Variants in GALNT7 observed in about 807,000 individuals in gnomAD.
GALNT7 encodes polypeptide N-acetylgalactosaminyltransferase 7, also known as N-acetylgalactosaminyltransferase 7.
In GALNT7, 60 loss-of-function variants were observed where a neutral mutation model predicts 82.1. The observed-to-expected ratio is 0.73, with a 90% CI of 0.59 to 0.91. The LOEUF (loss-of-function observed/expected upper bound fraction) is 0.91. Among genes scored for constraint, GALNT7 ranks in the 40% least tolerant of loss-of-function variants. The pLI, the probability that GALNT7 is intolerant of heterozygous loss-of-function variation, is 0.00. For synonymous variants in GALNT7, 243 were observed against 275.1 expected (o/e 0.88, Z 1.15); for missense variants, 660 against 804.2 (o/e 0.82, Z 2.17).
chr4:173,175,762 C>A (rs1442326436), intron 1 of GALNT7, among the ~76,000 whole-genome samples: 2 of 152,242 alleles, frequency 1.3e-5, no homozygotes, highest in East Asian at 3.9e-4. Flanking sequence ...CGAGGAACAT[C>A]TGTACATGGT....
chr4:173,264,483 C>G (rs1579968561), intron 2 of GALNT7, among the ~76,000 whole-genome samples: 1 of 152,282 alleles, frequency 6.6e-6, no homozygotes, highest in East Asian at 1.9e-4. Flanking sequence ...TATTGCTCTT[C>G]CGTATTATCC....
At chr4:173,224,779 G>A (rs4696052) in intron 1 of GALNT7, among the ~76,000 whole-genome samples, 144,107 of 151,598 alleles carry the variant, frequency 0.95, 68,751 homozygotes, top group Non-Finnish European at 1. Flanking sequence ...TTGGGAGGCC[G>A]AGGCGGGCGG....
Position 173,292,311 on chromosome 4 carries a change from A to G in GALNT7, c.754+37A>G. 1 of 1,320,978 alleles carries G rather than the reference A, an allele frequency of 7.6e-7. No individual in the cohort carries two copies. 81.8% of individuals were successfully genotyped at this position (1,320,978 alleles called of 1,614,324 possible). On this transcript the variant is annotated intron_variant, in intron 3 of 11. Coordinates refer to ENST00000265000, the MANE Select transcript of GALNT7 (RefSeq NM_017423.3). This position sits in a 1 kb window ranked among gnomAD's most constrained non-coding sequence, Gnocchi z 4.8. ...GAAACTCACATTTTGTCTATAAAAT[A>G]AGTTAAGCATGAATAATTGCAAAAA... is the stretch of plus-strand genomic sequence containing the variant.
chr4:173,208,875 G>A (rs1733185171), intron 1 of GALNT7, among the ~76,000 whole-genome samples: 1 of 152,074 alleles, frequency 6.6e-6, no homozygotes, highest in Non-Finnish European at 1.5e-5. Flanking sequence ...CACCTTTGCC[G>A]CCATGTTTAG....
intron 2 of GALNT7, among the ~76,000 whole-genome samples, chr4:173,255,105 C>T (rs769901557): frequency 3.9e-5 from 6 of 152,206 alleles, no homozygotes; most frequent in Non-Finnish European, 7.3e-5. Flanking sequence ...ATTTCTACAG[C>T]AGTTTAGGGA....
intron 2 of GALNT7, among the ~76,000 whole-genome samples, chr4:173,286,299 C>T (rs1229352957): frequency 1.3e-5 from 2 of 152,202 alleles, no homozygotes; most frequent in Admixed American, 1.3e-4. Flanking sequence ...GCAGGTTTTC[C>T]TCTGGACCAC....
In GALNT7 at chr4:173,302,215, G is replaced by C; in HGVS notation, c.1266+51G>C. 1.2e-6 allele frequency: 1 copy of C among 845,578 alleles called. No homozygotes were observed. The highest frequency in any genetic ancestry group is 1.4e-5 in the South Asian group (1 of 71,720). The allele number at this position is 845,578 out of a possible 1,614,324, so 52.4% of individuals were successfully genotyped here. On this transcript the variant is annotated intron_variant, in intron 7 of 11. Transcript: ENST00000265000. The surrounding 1 kb of genome is among the most constrained non-coding windows in gnomAD (Gnocchi z 4.2). ...ATTCTCCAAGTCGTTACTAACTTCT[G>C]TGGCTTTCAGATAAAGCTAGTTTTT...
rs1737872570 is a variant in GALNT7, at chr4:173,322,891, TAACA to T, written c.*1178_*1181del. On this transcript the variant is annotated 3_prime_UTR_variant, in exon 12 of 12. Coordinates refer to ENST00000265000, the MANE Select transcript of GALNT7 (RefSeq NM_017423.3). ...AGGACTATTTAAAAATACAGTTTAT[TAACA>T]AACGTGAACTACTTTCTGTTACATT... is the stretch of plus-strand genomic sequence containing the variant. 2 of 152,230 alleles carry T rather than the reference TAACA, an allele frequency of 1.3e-5. No homozygotes were observed. Among genetic ancestry groups the T allele is most frequent in the Non-Finnish European group, 2.9e-5 (2 of 68,036 alleles). The allele number at this position is 152,230 out of a possible 1,614,324, so 9.4% of individuals were successfully genotyped here.
chr4:173,251,615 A>G (rs1325855318), intron 2 of GALNT7, among the ~76,000 whole-genome samples: 1 of 152,088 alleles, frequency 6.6e-6, no homozygotes, highest in Non-Finnish European at 1.5e-5. Context: ...GGAACCTCGC[A>G]TCTCTGAGTC....
intron 2 of GALNT7, among the ~76,000 whole-genome samples, chr4:173,259,174 G>A (rs1330446416): frequency 6.6e-6 from 1 of 152,154 alleles, no homozygotes; most frequent in Non-Finnish European, 1.5e-5. Context: ...TAATGTTATG[G>A]GAGGAGGGTG....
At chr4:173,288,342 CTG>C (rs1297028477) in intron 2 of GALNT7, among the ~76,000 whole-genome samples, 12 of 147,548 alleles carry the variant, frequency 8.1e-5, no homozygotes. Context: ...GTCCTCTTGA[CTG>C]TTAAAGATGG....
At chr4:173,261,280 C>T (rs1220515011) in intron 2 of GALNT7, among the ~76,000 whole-genome samples, 1 of 152,096 alleles carries the variant, frequency 6.6e-6, no homozygotes, top group Non-Finnish European at 1.5e-5. Context: ...TATGTAGACA[C>T]AGCATTTCAC....
intron 1 of GALNT7, among the ~76,000 whole-genome samples, chr4:173,172,476 T>A (rs1443135168): frequency 6.6e-6 from 1 of 152,124 alleles, no homozygotes. Context: ...ATAACCAGCT[T>A]TAGGTGTTTT....
intron 6 of GALNT7, chr4:173,298,516 A>G (rs986960024): frequency 4.8e-6 from 2 of 416,032 alleles, no homozygotes; most frequent in Non-Finnish European, 8.5e-6. Flanking sequence ...AGACGTACAC[A>G]CTTTCATTGG....
intron 1 of GALNT7, among the ~76,000 whole-genome samples, chr4:173,196,426 A>G (rs947340569): frequency 6.6e-6 from 1 of 152,176 alleles, no homozygotes; most frequent in Non-Finnish European, 1.5e-5. Flanking sequence ...AGCCCGGCCC[A>G]GAATGTATTT....
At chr4:173,211,178 A>G (rs925649830) in intron 1 of GALNT7, among the ~76,000 whole-genome samples, 2 of 152,150 alleles carry the variant, frequency 1.3e-5, no homozygotes, top group Non-Finnish European at 2.9e-5. Context: ...GTGACTTTAT[A>G]TTGGAAATAA....
chr4:173,225,236 C>T (rs1326789332), intron 1 of GALNT7, among the ~76,000 whole-genome samples: 1 of 152,066 alleles, frequency 6.6e-6, no homozygotes, highest in African/African-American at 2.4e-5. Flanking sequence ...TCAATCCTCC[C>T]TCCCCTCTTT....
rs745548668 is a variant in GALNT7 at position 173,314,022 on chromosome 4, C to T, written c.1454C>T (p.Pro485Leu). 2.5e-6 allele frequency: 4 copies of T among 1,610,288 alleles called. No homozygotes were observed. The highest frequency in any genetic ancestry group is 3.4e-6 in the Non-Finnish European group (4 of 1,176,928). The change falls in exon 9 of 12, where the codon CCT (proline) becomes CTT (leucine). Residue 485 changes from proline (P) to leucine (L), a missense_variant. Coordinates refer to ENST00000265000, the MANE Select transcript of GALNT7 (RefSeq NM_017423.3). The part of the protein sequence containing the change: ...EYKDYFYASR[P>L]ESQALPYGDI... ...AAAGACTACTTCTATGCTAGTCGTCCTGAATCGCAGGCATTACCATATGGG... is the reference window on the plus strand; with the variant it reads ...AAAGACTACTTCTATGCTAGTCGTCTTGAATCGCAGGCATTACCATATGGG...
At chr4:173,208,007 G>C (rs1159663392) in intron 1 of GALNT7, among the ~76,000 whole-genome samples, 1 of 151,964 alleles carries the variant, frequency 6.6e-6, no homozygotes, top group Admixed American at 6.6e-5. Context: ...TTTGTAAATT[G>C]CCTGTTTGTT....
Sources: gnomAD v4.1 joint callset for allele counts (sites outside exome capture counted in the v4.1 genomes callset) on GRCh38, gnomAD v4.1.1 for gene constraint, Gnocchi (gnomAD v3.1) non-coding constraint, MANE v1.5 for transcripts, NCBI Gene and HGNC (gene_info 2026-07-23, HGNC 2026-07-21) for gene names.